SUCLG2: variants seen among roughly 807,000 people sequenced by gnomAD.
SUCLG2 encodes succinate--CoA ligase [GDP-forming] subunit beta, mitochondrial.
In SUCLG2, 42 loss-of-function variants were observed where a neutral mutation model predicts 47.9. The ratio of observed to expected loss-of-function variants is 0.88; its 90% confidence interval spans 0.69 to 1.14. The LOEUF (loss-of-function observed/expected upper bound fraction) is 1.14, where lower values mean the gene tolerates loss of function less well. Among genes scored for constraint, SUCLG2 ranks in the 50% most tolerant of loss-of-function variants. The pLI is 0.00. For synonymous variants in SUCLG2, 195 were observed against 197.3 expected (o/e 0.99, Z 0.10); for missense variants, 571 against 525.9 (o/e 1.09, Z -0.84).
chr3:67,488,426 G>A (rs1705119002), intron 9 of SUCLG2, among the ~76,000 whole-genome samples: 1 of 152,118 alleles, frequency 6.6e-6, no homozygotes, highest in South Asian at 2.1e-4. Flanking sequence ...AATCCATGGG[G>A]CACATCCCAC....
intron 9 of SUCLG2, among the ~76,000 whole-genome samples, chr3:67,406,393 G>C (rs1702809592): frequency 1.3e-5 from 2 of 152,146 alleles, no homozygotes; most frequent in Admixed American, 1.3e-4. Context: ...CACGATAATA[G>C]TTATGAAGGG....
chr3:67,638,210 G>A (rs994076915), intron 1 of SUCLG2, among the ~76,000 whole-genome samples: 9 of 152,274 alleles, frequency 5.9e-5, no homozygotes, highest in African/African-American at 1.9e-4. Context: ...TGTGTAAAAT[G>A]AAGATAAATG....
intron 7 of SUCLG2, among the ~76,000 whole-genome samples, chr3:67,507,465 A>C (rs72923182): frequency 4.7e-4 from 72 of 152,094 alleles, no homozygotes; most frequent in African/African-American, 1.7e-3. Context: ...ATATGATTTC[A>C]TCTTATTTTC....
At chr3:67,443,922 C>T (rs1241168972) in intron 9 of SUCLG2, among the ~76,000 whole-genome samples, 20 of 92,966 alleles carry the variant, frequency 2.2e-4, no homozygotes, top group African/African-American at 6.7e-4. Flanking sequence ...AAGTGAGGAG[C>T]GTCTCCGCCC....
At chr3:67,653,260 C>T (rs769895270) in intron 1 of SUCLG2, among the ~76,000 whole-genome samples, 9 of 152,204 alleles carry the variant, frequency 5.9e-5, no homozygotes, top group African/African-American at 1.9e-4. Context: ...GACTTCATCT[C>T]CTAGAGCTAT....
Position 67,364,393 on chromosome 3 carries a change from G to A in SUCLG2, c.1184-3625C>T, listed in dbSNP as rs200834261. Among the ~76,000 whole-genome samples the A allele has an allele frequency of 2.0e-5, 3 of 151,040 alleles. No individual in the cohort carries two copies. The East Asian group carries it at 5.9e-4, about 30-fold the overall frequency. ...CCCCCCAACTATTCACTGTTGTGGT[G>A]TCAGAGGAGGCCTAACAGACAGGCA... On this transcript the variant is annotated intron_variant, in intron 10 of 10. Transcript: ENST00000493112.
At chr3:67,435,432 G>A (rs1474393208) in intron 9 of SUCLG2, among the ~76,000 whole-genome samples, 4 of 152,144 alleles carry the variant, frequency 2.6e-5, no homozygotes, top group Non-Finnish European at 4.4e-5. Flanking sequence ...ACCACATGGC[G>A]ATAATGGGTT....
intron 2 of SUCLG2, among the ~76,000 whole-genome samples, chr3:67,603,828 G>A (rs1708472964): frequency 6.6e-6 from 1 of 152,124 alleles, no homozygotes; most frequent in African/African-American, 2.4e-5. Context: ...CACTTTCAAA[G>A]AGAACTGAAA....
intron 2 of SUCLG2, among the ~76,000 whole-genome samples, chr3:67,591,546 A>C (rs1575801362): frequency 6.6e-6 from 1 of 152,188 alleles, no homozygotes; most frequent in Admixed American, 6.5e-5. Flanking sequence ...AAGTCTCACA[A>C]GATCTGATGG....
At chr3:67,653,172 T>C (rs1410110193) in intron 1 of SUCLG2, among the ~76,000 whole-genome samples, 1 of 152,162 alleles carries the variant, frequency 6.6e-6, no homozygotes, top group African/African-American at 2.4e-5. Context: ...CTGGGCCCCA[T>C]GTTTCTCATC....
chr3:67,389,579 T>C (rs1167407463), intron 10 of SUCLG2, among the ~76,000 whole-genome samples: 2 of 152,206 alleles, frequency 1.3e-5, no homozygotes, highest in Non-Finnish European at 2.9e-5. Context: ...ATGTCTTTTA[T>C]CTTCCATCTA....
At chr3:67,651,515 A>AGTATGT (rs1326889775) in intron 1 of SUCLG2, among the ~76,000 whole-genome samples, 1 of 152,354 alleles carries the variant, frequency 6.6e-6, no homozygotes, top group Admixed American at 6.5e-5. Context: ...AGCAATGTGA[A>AGTATGT]GTATGTGTAT....
chr3:67,375,887 G>C, intron 10 of SUCLG2, 28 bp from the exon 11 acceptor site: 2 of 1,606,738 alleles, frequency 1.2e-6, no homozygotes, highest in Non-Finnish European at 1.7e-6. Context: ...AACAATCACT[G>C]AATGAAACTA....
chr3:67,533,647 G>A (rs925161538), intron 2 of SUCLG2, among the ~76,000 whole-genome samples: 34 of 152,134 alleles, frequency 2.2e-4, no homozygotes, highest in Non-Finnish European at 1.2e-4. Context: ...ATAGAGATAA[G>A]TTAGAGGCCT....
intron 9 of SUCLG2, among the ~76,000 whole-genome samples, chr3:67,463,431 T>C (rs1230840513): frequency 1.3e-5 from 2 of 152,236 alleles, no homozygotes; most frequent in Non-Finnish European, 2.9e-5. Context: ...TGTACATACA[T>C]ACAGATGTGC....
chr3:67,448,827 GT>G (rs958991859), intron 9 of SUCLG2, among the ~76,000 whole-genome samples: 2 of 151,024 alleles, frequency 1.3e-5, no homozygotes, highest in East Asian at 2.0e-4. Flanking sequence ...TGTAAAAAAG[GT>G]TTTTTTTTCT....
chr3:67,528,982 C>G (rs572549713), intron 3 of SUCLG2, 105 bp downstream of exon 3: 30 of 900,286 alleles, frequency 3.3e-5, no homozygotes, highest in African/African-American at 5.1e-5. Context: ...TGCTTTGGCC[C>G]GCTCCTACCC....
At chr3:67,408,462 T>G (rs1702864642) in intron 9 of SUCLG2, 1 of 272,782 alleles carries the variant, frequency 3.7e-6, no homozygotes, top group Non-Finnish European at 5.6e-6. Flanking sequence ...TCAATTGAGA[T>G]GAACCAACCA....
chr3:67,643,599 T>G (rs1389330872), intron 1 of SUCLG2, among the ~76,000 whole-genome samples: 1 of 152,206 alleles, frequency 6.6e-6, no homozygotes, highest in Non-Finnish European at 1.5e-5. Context: ...TAGTGAGGAC[T>G]TACAGTATCC....
Sources: allele counts gnomAD v4.1 joint callset (sites outside exome capture counted in the v4.1 genomes callset), GRCh38; gene constraint gnomAD v4.1.1; transcripts MANE v1.5; gene names NCBI Gene and HGNC (gene_info 2026-07-23, HGNC 2026-07-21).